RAB8B: variants seen among roughly 807,000 people sequenced by gnomAD.
RAB8B encodes RAB8B, member RAS oncogene family, also known as ras-related protein Rab-8B.
In RAB8B, 11 loss-of-function variants were observed where a neutral mutation model predicts 32.0. That is an observed-to-expected ratio of 0.34 (90% CI 0.22 to 0.57). The LOEUF is 0.57. RAB8B is among the 20% of genes least tolerant of loss of function. RAB8B has a pLI of 0.86. For synonymous variants in RAB8B, 103 were observed against 89.6 expected (o/e 1.15, Z -0.85); for missense variants, 190 against 258.5 (o/e 0.73, Z 1.82).
chr15:63,259,280 C>A lies in RAB8B; in HGVS notation c.415-347C>A, dbSNP rs923463573. 1.3e-5 allele frequency among the ~76,000 whole-genome samples: 2 copies of A among 151,854 alleles called. No individual in the cohort carries two copies. Among genetic ancestry groups the A allele is most frequent in the African/African-American group, 2.4e-5 (1 of 41,350 alleles). On this transcript the variant is annotated intron_variant, in intron 5 of 7. Transcript: ENST00000321437. This position sits in a 1 kb window ranked among gnomAD's most constrained non-coding sequence, Gnocchi z 4.4. ...GACTACAGGCGGGTGCCACCACGCC[C>A]GGCTAATTTTTTGTATTTTTAGTAG...
chr15:63,266,885 T>C lies in RAB8B; in HGVS notation c.*3266T>C, dbSNP rs1344269074. The C allele has an allele frequency of 6.6e-6, 1 of 152,640 alleles. No individual in the cohort carries two copies. The highest frequency in any genetic ancestry group is 2.4e-5 in the African/African-American group (1 of 41,464). 9.5% of individuals were successfully genotyped at this position (152,640 alleles called of 1,614,324 possible). ...GTGACACATTTAAGCAGACATTCTT[T>C]TCAAGTTCATGACTTAGATTCCTTT... is the stretch of plus-strand genomic sequence containing the variant. On this transcript the variant is annotated 3_prime_UTR_variant, in exon 8 of 8. Transcript: ENST00000321437.
Position 63,267,685 on chromosome 15 carries a change from CTA to C in RAB8B, c.*4068_*4069del, listed in dbSNP as rs1178364033. Reference sequence around the variant, plus strand: ...CATTAACTGTGTACTGATACTGATGCTATGTTTTTTTTAAATGGATTTTATTC... The same window carrying C: ...CATTAACTGTGTACTGATACTGATGCTGTTTTTTTTAAATGGATTTTATTC... On this transcript the variant is annotated 3_prime_UTR_variant, in exon 8 of 8. Coordinates refer to ENST00000321437, the MANE Select transcript of RAB8B (RefSeq NM_016530.3). 6.6e-6 allele frequency: 1 copy of C among 151,460 alleles called. No individual in the cohort carries two copies. The highest frequency in any genetic ancestry group is 2.4e-5 in the African/African-American group (1 of 41,206). The allele number at this position is 151,460 out of a possible 1,614,324, so 9.4% of individuals were successfully genotyped here.
intron 1 of RAB8B, among the ~76,000 whole-genome samples, chr15:63,194,600 A>G (rs2037585757): frequency 6.6e-6 from 1 of 152,196 alleles, no homozygotes; most frequent in Non-Finnish European, 1.5e-5. Context: ...TTCCATACGT[A>G]AAGTAACTAA....
intron 3 of RAB8B, among the ~76,000 whole-genome samples, chr15:63,251,001 C>T (rs1264606135): frequency 1.3e-5 from 2 of 151,866 alleles, no homozygotes; most frequent in Admixed American, 6.6e-5. Flanking sequence ...GCTGCCCTTC[C>T]TCCTCCACCA....
chr15:63,202,824 A>G (rs1233181106), intron 1 of RAB8B, among the ~76,000 whole-genome samples: 3 of 152,256 alleles, frequency 2.0e-5, no homozygotes, highest in Non-Finnish European at 4.4e-5. Context: ...ATTGTAAACT[A>G]GATGAACACC....
intron 1 of RAB8B, among the ~76,000 whole-genome samples, chr15:63,242,834 GA>G (rs1274603688): frequency 1.3e-5 from 2 of 152,148 alleles, no homozygotes; most frequent in East Asian, 1.9e-4. Context: ...TTTCATGGAA[GA>G]CAGTTTTTCC....
chr15:63,214,774 C>T (rs1207116506), intron 1 of RAB8B, among the ~76,000 whole-genome samples: 1 of 152,096 alleles, frequency 6.6e-6, no homozygotes, highest in Admixed American at 6.5e-5. Context: ...AAACCTGCTT[C>T]TGAGAATTCA....
chr15:63,217,906 C>T (rs2037807314), intron 1 of RAB8B, among the ~76,000 whole-genome samples: 1 of 152,144 alleles, frequency 6.6e-6, no homozygotes, highest in Non-Finnish European at 1.5e-5. Flanking sequence ...GTACAGAGCT[C>T]ACATAGTAAT....
chr15:63,210,275 C>T (rs972705874), intron 1 of RAB8B, among the ~76,000 whole-genome samples: 15 of 152,322 alleles, frequency 9.8e-5, no homozygotes, highest in African/African-American at 3.4e-4. Flanking sequence ...GCTGTCAGTG[C>T]CCTGTGAACA....
intron 1 of RAB8B, among the ~76,000 whole-genome samples, chr15:63,226,313 T>C (rs2037888865): frequency 6.6e-6 from 1 of 152,348 alleles, no homozygotes; most frequent in Middle Eastern, 3.4e-3. Context: ...TCCGTCAGTT[T>C]TCTGTTCTAC....
intron 1 of RAB8B, among the ~76,000 whole-genome samples, chr15:63,205,991 C>T (rs1277152338): frequency 6.6e-6 from 1 of 152,188 alleles, no homozygotes; most frequent in African/African-American, 2.4e-5. Flanking sequence ...CTGTAACTGG[C>T]CTCTTCAGAG....
chr15:63,231,150 T>C (rs2037933427), intron 1 of RAB8B, among the ~76,000 whole-genome samples: 1 of 152,258 alleles, frequency 6.6e-6, no homozygotes, highest in African/African-American at 2.4e-5. Context: ...CCCTGGTTAT[T>C]ATCTGATACA....
rs138772588 is a variant in RAB8B at position 63,204,545 on chromosome 15, T to G, written c.124+14797T>G. ...TTAGGGCCCTGAATTTTAAGTACAG[T>G]GAGTTTCTGAGTGAAATCTCCTGAA... On this transcript the variant is annotated intron_variant, in intron 1 of 7. Transcript: ENST00000321437. Among the ~76,000 whole-genome samples the G allele has an allele frequency of 1.8e-4, 28 of 152,350 alleles. No individual in the cohort carries two copies. The East Asian group carries it at 5.2e-3, about 28-fold the overall frequency.
intron 1 of RAB8B, among the ~76,000 whole-genome samples, chr15:63,219,003 G>A (rs1162119081): frequency 2.0e-5 from 1 of 48,816 alleles, no homozygotes; most frequent in African/African-American, 5.1e-5. Context: ...TCCAGCAGTG[G>A]ATTTTTTTTT....
At chr15:63,246,274 A>G (rs1169075800) in intron 2 of RAB8B, among the ~76,000 whole-genome samples, 2 of 152,166 alleles carry the variant, frequency 1.3e-5, no homozygotes, top group Admixed American at 6.5e-5. Context: ...TCATGTTGGC[A>G]CTCAAAAAGT....
intron 1 of RAB8B, among the ~76,000 whole-genome samples, chr15:63,204,191 T>C (rs1317385715): frequency 6.6e-6 from 1 of 152,170 alleles, no homozygotes; most frequent in Non-Finnish European, 1.5e-5. Flanking sequence ...TGTATGTCTG[T>C]TTTCTAGAAA....
At chr15:63,217,091 C>A (rs2037798904) in intron 1 of RAB8B, among the ~76,000 whole-genome samples, 1 of 152,010 alleles carries the variant, frequency 6.6e-6, no homozygotes, top group African/African-American at 2.4e-5. Flanking sequence ...ATGGTAGTTT[C>A]CTTCATCTTT....
At chr15:63,214,273 G>A (rs1313512980) in intron 1 of RAB8B, among the ~76,000 whole-genome samples, 10 of 148,232 alleles carry the variant, frequency 6.7e-5, no homozygotes, top group African/African-American at 5.0e-5. Flanking sequence ...AAATGGGTAC[G>A]CTCAGTTTCT....
chr15:63,252,123 A>G (rs1216409212), intron 3 of RAB8B, among the ~76,000 whole-genome samples: 3 of 151,860 alleles, frequency 2.0e-5, no homozygotes, highest in Non-Finnish European at 2.9e-5. Flanking sequence ...GTAGATATAT[A>G]CTAGATACAT....
Sources: gnomAD v4.1 joint callset for allele counts (sites outside exome capture counted in the v4.1 genomes callset) on GRCh38, gnomAD v4.1.1 for gene constraint, Gnocchi (gnomAD v3.1) non-coding constraint, MANE v1.5 for transcripts, NCBI Gene and HGNC (gene_info 2026-07-23, HGNC 2026-07-21) for gene names.